Variants in RBPMS observed in about 807,000 individuals in gnomAD.
The protein encoded by RBPMS is RNA-binding protein with multiple splicing.
RBPMS carries 7 observed loss-of-function variants against 26.8 expected under a neutral mutation model. The ratio of observed to expected loss-of-function variants is 0.26; its 90% confidence interval spans 0.15 to 0.49. The LOEUF is 0.49. Among genes scored for constraint, RBPMS ranks in the 20% least tolerant of loss-of-function variants. RBPMS has a pLI of 0.98. For synonymous variants in RBPMS, 96 were observed against 93.3 expected, an observed-to-expected ratio of 1.03 and a Z score of -0.17; for missense variants, 186 against 250.0, an observed-to-expected ratio of 0.74 and a Z score of 1.73.
intron 6 of RBPMS, chr8:30,552,577 C>T (rs893787035): frequency 6.6e-6 from 1 of 152,196 alleles, no homozygotes; most frequent in African/African-American, 2.4e-5. Context: ...TGATAGCAAA[C>T]ATAGTTAAAA....
intron 5 of RBPMS, among the ~76,000 whole-genome samples, chr8:30,535,546 G>A (rs1824700469): frequency 6.6e-6 from 1 of 152,186 alleles, no homozygotes; most frequent in African/African-American, 2.4e-5. Context: ...AAGTTCATTA[G>A]ATCAGCTTCA....
intron 1 of RBPMS, among the ~76,000 whole-genome samples, chr8:30,441,825 A>ACGGAGTCTCGCTGGAGTTCAGTGG (rs1813106903): frequency 6.6e-6 from 1 of 152,096 alleles, no homozygotes; most frequent in Non-Finnish European, 1.5e-5. Flanking sequence ...TTTTTTTGAG[A>ACGGAGTCTCGCTGGAGTTCAGTGG]CGGAGTCTCG....
At position 30,549,844 on chromosome 8, in the gene RBPMS, CTT is replaced by C. The variant is rs200183419; in HGVS notation, c.528+5223_528+5224del. On this transcript the variant is annotated intron_variant, in intron 6 of 8. Coordinates refer to ENST00000397323, the MANE Select transcript of RBPMS (RefSeq NM_001008710.3). ...TCTCTCTCTTTTCTTTCTTTTCTTT[CTT>C]TTCTTTCTTCTTTTTTTTTTCTGAG... Among the ~76,000 whole-genome samples the C allele has an allele frequency of 3.4e-3, 387 of 115,446 alleles. 7 individuals are homozygous for C. Among genetic ancestry groups the C allele is most frequent in the African/African-American group, 0.012 (358 of 30,862 alleles). 75.7% of individuals were successfully genotyped at this position (115,446 alleles called of 152,430 possible).
chr8:30,558,567 G>C (rs1035550907), intron 6 of RBPMS: 4 of 456,886 alleles, frequency 8.8e-6, no homozygotes, highest in Non-Finnish European at 1.6e-5. Context: ...AAAGGAATTC[G>C]CTGTGCCGGA....
In RBPMS at chr8:30,411,681, A is replaced by AAAAAAAAAG. The variant is rs1554507355; in HGVS notation, c.66+26526_66+26527insAAAAAGAAA. On this transcript the variant is annotated intron_variant, in intron 1 of 8. Transcript: ENST00000397323. ...CTGTCTCAGAAAAAAAAAAAAAAAA[A>AAAAAAAAAG]AAAGAAAAAGGAAATGTTTAGGCCG... Among the ~76,000 whole-genome samples, 32 of 127,946 alleles carry AAAAAAAAAG rather than the reference A, an allele frequency of 2.5e-4. 3 individuals are homozygous for AAAAAAAAAG. The highest frequency in any genetic ancestry group is 4.3e-4 in the African/African-American group (14 of 32,772). 83.9% of individuals were successfully genotyped at this position (127,946 alleles called of 152,430 possible).
At chr8:30,484,226 C>G (rs919892695) in intron 4 of RBPMS, among the ~76,000 whole-genome samples, 1 of 152,166 alleles carries the variant, frequency 6.6e-6, no homozygotes, top group African/African-American at 2.4e-5. Flanking sequence ...AAATTATAAC[C>G]ATTCTAGTAG....
chr8:30,496,268 A>G (rs1015120584), intron 4 of RBPMS, among the ~76,000 whole-genome samples: 1 of 150,658 alleles, frequency 6.6e-6, no homozygotes, highest in African/African-American at 2.4e-5. Flanking sequence ...ACCTGATTTC[A>G]CGCCATTCTC....
At position 30,555,629 on chromosome 8, in the gene RBPMS, G is replaced by T. The variant is rs575103085; in HGVS notation, c.529-3258G>T. 3.3e-5 allele frequency among the ~76,000 whole-genome samples: 5 copies of T among 152,350 alleles called. No individual in the cohort carries two copies. In the South Asian group the frequency reaches 8.3e-4, roughly 25 times the overall value. On this transcript the variant is annotated intron_variant, in intron 6 of 8. Transcript: ENST00000397323. ...TTCTGCACATGGCATGAAGAAATGT[G>T]AGGGGCCGCTGCCTTGCATGGAAGG...
chr8:30,491,920 C>T (rs1046324751), intron 4 of RBPMS, among the ~76,000 whole-genome samples: 10 of 152,060 alleles, frequency 6.6e-5, no homozygotes, highest in African/African-American at 2.2e-4. Flanking sequence ...AATGGAGTTT[C>T]GCTCTTGTCG....
At chr8:30,502,203 T>C (rs1184681868) in intron 4 of RBPMS, among the ~76,000 whole-genome samples, 2 of 150,730 alleles carry the variant, frequency 1.3e-5, no homozygotes, top group African/African-American at 4.9e-5. Context: ...GTTGATGTTA[T>C]TTTAGTTCAA....
At chr8:30,386,343 A>G (rs1348666910) in intron 1 of RBPMS, among the ~76,000 whole-genome samples, 2 of 152,210 alleles carry the variant, frequency 1.3e-5, no homozygotes, top group African/African-American at 2.4e-5. Flanking sequence ...GGAAAATGGT[A>G]ACTATTTAGA....
chr8:30,388,271 T>C (rs1341605804), intron 1 of RBPMS, among the ~76,000 whole-genome samples: 1 of 151,966 alleles, frequency 6.6e-6, no homozygotes, highest in African/African-American at 2.4e-5. Flanking sequence ...AGAATTTCTC[T>C]AATTGTGCAA....
chr8:30,556,783 C>T (rs1185784555), intron 6 of RBPMS: 4 of 985,896 alleles, frequency 4.1e-6, no homozygotes, highest in Middle Eastern at 5.1e-4. Flanking sequence ...TGCACCAGGC[C>T]ATGAGCCGTG....
chr8:30,473,211 G>C (rs1195872810), intron 1 of RBPMS, among the ~76,000 whole-genome samples: 1 of 152,222 alleles, frequency 6.6e-6, no homozygotes, highest in Non-Finnish European at 1.5e-5. Context: ...CCTTCCCCAA[G>C]AATGTTTTCT....
intron 1 of RBPMS, among the ~76,000 whole-genome samples, chr8:30,452,071 TC>T (rs1222536584): frequency 7.9e-5 from 12 of 152,294 alleles, no homozygotes; most frequent in Non-Finnish European, 4.4e-5. Flanking sequence ...CACTCTGCCT[TC>T]CTTTGCGAGA....
chr8:30,524,867 G>A lies in RBPMS; in HGVS notation c.398-19627G>A, dbSNP rs1374231104. On this transcript the variant is annotated intron_variant, in intron 5 of 8. Coordinates refer to ENST00000397323, the MANE Select transcript of RBPMS (RefSeq NM_001008710.3). ...ACTTTATCAGTAAAACTACTTTTTC[G>A]TAGCCCTTTAAAGACCATTATTAGT... Among the ~76,000 whole-genome samples the A allele has an allele frequency of 5.3e-5, 8 of 151,850 alleles. No individual in the cohort carries two copies. In the East Asian group the frequency reaches 7.7e-4, roughly 15 times the overall value.
intron 8 of RBPMS, among the ~76,000 whole-genome samples, chr8:30,569,398 G>A (rs1828114637): frequency 6.6e-6 from 1 of 152,118 alleles, no homozygotes; most frequent in Non-Finnish European, 1.5e-5. Context: ...ACCCCTGTGA[G>A]GAGCTCAGAG....
At chr8:30,460,476 A>G (rs762367327) in intron 1 of RBPMS, among the ~76,000 whole-genome samples, 5 of 152,226 alleles carry the variant, frequency 3.3e-5, no homozygotes, top group African/African-American at 1.2e-4. Flanking sequence ...CTGTTAGCCT[A>G]CATATACATC....
At chr8:30,563,325 TACAG>T (rs2151091290) in intron 7 of RBPMS, among the ~76,000 whole-genome samples, 1 of 152,330 alleles carries the variant, frequency 6.6e-6, no homozygotes, top group East Asian at 1.9e-4. Context: ...GAGCCCAGAA[TACAG>T]AATCACGATT....
Sources: allele counts gnomAD v4.1 joint callset (sites outside exome capture counted in the v4.1 genomes callset), GRCh38; gene constraint gnomAD v4.1.1; transcripts MANE v1.5; gene names NCBI Gene and HGNC (gene_info 2026-07-23, HGNC 2026-07-21).